Variants in CPQ observed in about 807,000 individuals in gnomAD.
CPQ encodes carboxypeptidase Q, also known as Ser-Met dipeptidase.
A neutral mutation model predicts 45.7 loss-of-function variants in CPQ; 37 were observed. That is an observed-to-expected ratio of 0.81 (90% confidence interval 0.62 to 1.07). The LOEUF (loss-of-function observed/expected upper bound fraction) is 1.07. CPQ is among the 50% of genes least tolerant of loss of function. The probability of loss-of-function intolerance (pLI) is 0.00; values close to 1 mark genes in which losing one functional copy is unlikely to be tolerated. For missense variants in CPQ, 537 were observed against 572.9 expected (o/e 0.94, Z 0.64); for synonymous variants, 186 against 205.8 (o/e 0.90, Z 0.82).
intron 5 of CPQ, among the ~76,000 whole-genome samples, chr8:96,986,549 A>G (rs1216152082): frequency 6.6e-6 from 1 of 151,980 alleles, no homozygotes; most frequent in East Asian, 1.9e-4. Flanking sequence ...ACAAATCTCT[A>G]TTTTCAAATC....
chr8:96,862,266 T>C (rs1179172376), intron 3 of CPQ, among the ~76,000 whole-genome samples: 1 of 150,148 alleles, frequency 6.7e-6, no homozygotes, highest in African/African-American at 2.5e-5. Flanking sequence ...ATGGGGACAA[T>C]AATATTGATT....
intron 2 of CPQ, among the ~76,000 whole-genome samples, chr8:96,811,255 T>TA (rs141560313): frequency 6.6e-6 from 1 of 152,066 alleles, no homozygotes; most frequent in Admixed American, 6.6e-5. Flanking sequence ...CGTATTCTTT[T>TA]AAAAAAATAA....
intron 7 of CPQ, among the ~76,000 whole-genome samples, chr8:97,099,692 A>T (rs1030036302): frequency 1.3e-5 from 2 of 152,122 alleles, no homozygotes; most frequent in East Asian, 3.9e-4. Flanking sequence ...AATAATTCAA[A>T]ACCTCTTAAA....
chr8:96,741,685 C>T (rs1244767529), intron 1 of CPQ, among the ~76,000 whole-genome samples: 4 of 152,046 alleles, frequency 2.6e-5, no homozygotes, highest in Non-Finnish European at 5.9e-5. Context: ...TCTTTGTTCT[C>T]GTTGGTTTCA....
intron 5 of CPQ, among the ~76,000 whole-genome samples, chr8:96,988,987 A>G (rs1001697119): frequency 5.9e-5 from 9 of 152,196 alleles, no homozygotes; most frequent in Admixed American, 2.0e-4. Context: ...TTAAAATGTC[A>G]TATTTGCTGT....
intron 7 of CPQ, among the ~76,000 whole-genome samples, chr8:97,130,539 G>A (rs1235765484): frequency 6.7e-6 from 1 of 148,248 alleles, no homozygotes; most frequent in East Asian, 2.0e-4. Flanking sequence ...AATAATCACT[G>A]TTTCTTCATC....
chr8:96,742,021 G>C lies in CPQ; in HGVS notation c.-34-42843G>C, dbSNP rs573372260. 3.2e-3 allele frequency among the ~76,000 whole-genome samples: 458 copies of C among 144,044 alleles called. 6 individuals are homozygous for C. The highest frequency in any genetic ancestry group is 0.011 in the African/African-American group (436 of 38,222). The allele number at this position is 144,044 out of a possible 152,430, so 94.5% of individuals were successfully genotyped here. On this transcript the variant is annotated intron_variant, in intron 1 of 7. Coordinates refer to ENST00000220763, the MANE Select transcript of CPQ (RefSeq NM_016134.4). ...TGGTGCAGAGCTGAGTTCAATTCCT[G>C]GGTATCCTTGTTGACTTTCTGTCTC...
chr8:96,917,332 A>G (rs914383554), intron 4 of CPQ, among the ~76,000 whole-genome samples: 2 of 152,150 alleles, frequency 1.3e-5, no homozygotes, highest in Non-Finnish European at 2.9e-5. Context: ...GTTATAATCT[A>G]GTACTAGTTT....
intron 5 of CPQ, among the ~76,000 whole-genome samples, chr8:96,969,215 A>G (rs986584713): frequency 2.0e-5 from 3 of 152,238 alleles, no homozygotes; most frequent in Non-Finnish European, 4.4e-5. Context: ...TTCCAGAAAA[A>G]ATGTAAATGT....
intron 5 of CPQ, among the ~76,000 whole-genome samples, chr8:96,993,043 A>G (rs1156677862): frequency 6.6e-6 from 1 of 152,202 alleles, no homozygotes; most frequent in East Asian, 1.9e-4. Flanking sequence ...ATCCCTGGAA[A>G]TTAACCCATC....
chr8:96,722,749 A>G (rs1809781343), intron 1 of CPQ, among the ~76,000 whole-genome samples: 5 of 152,170 alleles, frequency 3.3e-5, no homozygotes, highest in Admixed American at 3.3e-4. Context: ...ACAATTTTCC[A>G]GTGTACTCCT....
chr8:97,097,793 T>C (rs368088668), intron 7 of CPQ, among the ~76,000 whole-genome samples: 2 of 150,870 alleles, frequency 1.3e-5, no homozygotes, highest in African/African-American at 5.0e-5. Context: ...CTGCAACTGG[T>C]TGCCCAGACA....
At chr8:96,941,103 G>A (rs972027778) in intron 4 of CPQ, among the ~76,000 whole-genome samples, 8 of 151,982 alleles carry the variant, frequency 5.3e-5, no homozygotes, top group African/African-American at 1.4e-4. Flanking sequence ...AATTGCTTTC[G>A]GCCCTCTCCC....
At chr8:96,890,709 C>A (rs1485962896) in intron 4 of CPQ, among the ~76,000 whole-genome samples, 1 of 152,198 alleles carries the variant, frequency 6.6e-6, no homozygotes, top group African/African-American at 2.4e-5. Flanking sequence ...CAGATGGCAA[C>A]CTTAACTTCC....
intron 2 of CPQ, among the ~76,000 whole-genome samples, chr8:96,813,891 T>G (rs1292140236): frequency 6.6e-6 from 1 of 152,154 alleles, no homozygotes; most frequent in East Asian, 1.9e-4. Flanking sequence ...CGGACACTTA[T>G]CTTCCAGCAC....
At chr8:96,655,378 T>C (rs1421142283) in intron 1 of CPQ, among the ~76,000 whole-genome samples, 3 of 152,136 alleles carry the variant, frequency 2.0e-5, no homozygotes, top group Non-Finnish European at 4.4e-5. Flanking sequence ...ATTTTTCAAT[T>C]AAGTCATTGT....
intron 7 of CPQ, among the ~76,000 whole-genome samples, chr8:97,126,762 A>G (rs1811853924): frequency 6.6e-6 from 1 of 152,158 alleles, no homozygotes; most frequent in African/African-American, 2.4e-5. Flanking sequence ...AAAAAATTTG[A>G]GGACTTACTC....
At chr8:97,004,175 T>G (rs908597474) in intron 5 of CPQ, among the ~76,000 whole-genome samples, 2 of 151,796 alleles carry the variant, frequency 1.3e-5, no homozygotes, top group African/African-American at 2.4e-5. Flanking sequence ...TTATAACCAT[T>G]AATATCCTTA....
At chr8:97,052,647 T>C (rs1810382433) in intron 6 of CPQ, among the ~76,000 whole-genome samples, 1 of 152,208 alleles carries the variant, frequency 6.6e-6, no homozygotes, top group Non-Finnish European at 1.5e-5. Context: ...AGTCTCATCT[T>C]TGATAGCAAA....
Sources: gnomAD v4.1 joint callset for allele counts (sites outside exome capture counted in the v4.1 genomes callset) on GRCh38, gnomAD v4.1.1 for gene constraint, MANE v1.5 for transcripts, NCBI Gene and HGNC (gene_info 2026-07-23, HGNC 2026-07-21) for gene names.